Variants in TARDBP observed in about 807,000 individuals in gnomAD.
TARDBP encodes the protein TAR DNA binding protein, also known as TAR DNA-binding protein 43.
In TARDBP, 4 loss-of-function variants were observed where a neutral mutation model predicts 38.3. The ratio of observed to expected loss-of-function variants is 0.10; its 90% CI spans 0.05 to 0.24. TARDBP has a LOEUF of 0.24. Among genes scored for constraint, TARDBP ranks in the 10% least tolerant of loss-of-function variants. The pLI, the probability that TARDBP is intolerant of heterozygous loss-of-function variation, is 1.00. For synonymous variants in TARDBP, 184 were observed against 183.8 expected, an observed-to-expected ratio of 1.00 and a Z score of -0.01; for missense variants, 202 against 521.9, an observed-to-expected ratio of 0.39 and a Z score of 5.97.
chr1:11,016,892 T>C lies in TARDBP; in HGVS notation c.287T>C (p.Val96Ala). 1.2e-6 allele frequency: 2 copies of C among 1,614,130 alleles called. No individual in the cohort carries two copies. The highest frequency in any genetic ancestry group is 1.7e-6 in the Non-Finnish European group (2 of 1,180,032). The change falls in exon 3 of 6, where the codon GTG becomes GCG. Residue 96 changes from valine to alanine, a missense_variant. Coordinates refer to ENST00000240185, the MANE Select transcript of TARDBP (RefSeq NM_007375.4). ...DETDASSAVKVKRAVQKTSDL... is the reference protein window; with the variant it reads ...DETDASSAVKAKRAVQKTSDL... The stretch of plus-strand genomic sequence containing the variant: ...ACAGATGCTTCATCAGCAGTGAAAG[T>C]GAAAAGAGCAGTCCAGAAAACATCC...
chr1:11,015,345 G>A (rs1012265069), intron 2 of TARDBP, among the ~76,000 whole-genome samples: 4 of 151,962 alleles, frequency 2.6e-5, no homozygotes, highest in Admixed American at 1.3e-4. Context: ...AATTAGCCAG[G>A]CGTGGTGGTT....
At chr1:11,027,007 A>G (rs768463195), downstream of TARDBP, 3 of 1,598,120 alleles carry the variant, frequency 1.9e-6, no homozygotes, top group Admixed American at 3.5e-5. Flanking sequence ...CCCACAAACC[A>G]CCTCTCTGTT....
chr1:11,017,031 GT>G, intron 3 of TARDBP, 24 bp downstream of exon 3: 1 of 1,612,992 alleles, frequency 6.2e-7, no homozygotes, highest in Non-Finnish European at 8.5e-7. Flanking sequence ...GCATCAAACA[GT>G]TTTTCTTTAC....
In TARDBP at chr1:11,023,311, A is replaced by C; in HGVS notation, c.*657A>C. The stretch of plus-strand genomic sequence containing the variant: ...ATTCAAGAATTCGTCATCACGCATC[A>C]CAGGCCGCGTCTTTGACGGTGGGTG... On this transcript the variant is annotated 3_prime_UTR_variant, in exon 6 of 6. Transcript: ENST00000240185. The C allele has an allele frequency of 6.6e-7, 1 of 1,519,748 alleles. No homozygotes were observed. The highest frequency in any genetic ancestry group is 2.5e-5 in the East Asian group (1 of 40,666). The allele number at this position is 1,519,748 out of a possible 1,614,324, so 94.1% of individuals were successfully genotyped here.
intron 4 of TARDBP, 46 bp from the exon 5 acceptor site, chr1:11,020,383 T>C: frequency 6.2e-7 from 1 of 1,611,002 alleles, no homozygotes; most frequent in Non-Finnish European, 8.5e-7. Flanking sequence ...TTTTTCATTG[T>C]TCATAACATA....
intron 5 of TARDBP, 38 bp downstream of exon 5, chr1:11,020,637 G>A (rs757163480): frequency 3.8e-6 from 6 of 1,588,636 alleles, no homozygotes; most frequent in Non-Finnish European, 5.1e-6. Context: ...GGCCGGGCGT[G>A]GTGGCTCATG....
chr1:11,017,122 A>G (rs1355613815), intron 3 of TARDBP, 115 bp downstream of exon 3: 3 of 1,199,234 alleles, frequency 2.5e-6, no homozygotes, highest in Admixed American at 1.8e-5. Flanking sequence ...TCTGGCGTCA[A>G]ACTCCTGGGC....
At chr1:11,029,399 C>CAA (rs202243830), downstream of TARDBP, among the ~76,000 whole-genome samples, 50 of 147,676 alleles carry the variant, frequency 3.4e-4, 1 homozygote, top group South Asian at 9.0e-3. Flanking sequence ...GATTCCGTCT[C>CAA]AAAAAATAAT....
At chr1:11,029,964 A>G (rs1001211713), downstream of TARDBP, 7 of 465,858 alleles carry the variant, frequency 1.5e-5, no homozygotes, top group Admixed American at 2.8e-4. Flanking sequence ...TATAAGGTCA[A>G]AGAGAATCAA....
intron 3 of TARDBP, among the ~76,000 whole-genome samples, chr1:11,017,432 C>G (rs1643550053): frequency 6.6e-6 from 1 of 152,130 alleles, no homozygotes; most frequent in African/African-American, 2.4e-5. Flanking sequence ...AACTCCTGAC[C>G]TCAAGTGATC....
At chr1:11,019,266 C>T (rs903077099) in intron 4 of TARDBP, 1 of 312,468 alleles carries the variant, frequency 3.2e-6, no homozygotes, top group African/African-American at 2.2e-5. Flanking sequence ...ACATCATCAT[C>T]TTTGCCAAGA....
intron 2 of TARDBP, among the ~76,000 whole-genome samples, chr1:11,014,404 C>T (rs971617056): frequency 6.6e-6 from 1 of 152,170 alleles, no homozygotes; most frequent in African/African-American, 2.4e-5. Context: ...AGTGCAGTTC[C>T]AATTACAATT....
downstream of TARDBP, chr1:11,030,244 T>C (rs370149868): frequency 5.6e-6 from 9 of 1,612,418 alleles, no homozygotes; most frequent in East Asian, 4.5e-5. Flanking sequence ...CTCACACACA[T>C]ATTTACCTGC....
At chr1:11,027,563 C>T (rs1643760205), downstream of TARDBP, 4 of 1,614,058 alleles carry the variant, frequency 2.5e-6, no homozygotes, top group Non-Finnish European at 3.4e-6. Flanking sequence ...CACCTAATAT[C>T]AGGACTTGCC....
intron 3 of TARDBP, among the ~76,000 whole-genome samples, chr1:11,018,152 G>C (rs1455792672): frequency 6.6e-6 from 1 of 152,130 alleles, no homozygotes; most frequent in African/African-American, 2.4e-5. Context: ...AAAGTGCTGG[G>C]ATTACAGGCG....
chr1:11,018,467 G>T, intron 3 of TARDBP: 1 of 464,014 alleles, frequency 2.2e-6, no homozygotes, highest in Non-Finnish European at 3.9e-6. Flanking sequence ...GGGAATACAG[G>T]TGTGAGCCAC....
Position 11,022,932 on chromosome 1 carries a change from A to G in TARDBP, c.*278A>G. The G allele has an allele frequency of 7.3e-7, 1 of 1,362,822 alleles. No individual in the cohort carries two copies. Among genetic ancestry groups the G allele is most frequent in the Non-Finnish European group, 9.4e-7 (1 of 1,058,710 alleles). 84.4% of individuals were successfully genotyped at this position (1,362,822 alleles called of 1,614,324 possible). A position where few individuals can be genotyped will look rare whatever the true frequency, so the allele number is the denominator to read the frequency against. On this transcript the variant is annotated 3_prime_UTR_variant, in exon 6 of 6. Transcript: ENST00000240185. This position sits in a 1 kb window ranked among gnomAD's most constrained non-coding sequence, Gnocchi z 4.5. ...AAACCAACACACTACAATTGATATC[A>G]AAAGGTTTCTCCTGTAATATTTTAT...
At chr1:11,013,266 A>C (rs61775597) in intron 1 of TARDBP, among the ~76,000 whole-genome samples, 16,121 of 152,296 alleles carry the variant, frequency 0.11, 1,149 homozygotes, top group Middle Eastern at 0.17. Context: ...TTCAGTCTTC[A>C]GGTTCAGCTG....
downstream of TARDBP, among the ~76,000 whole-genome samples, chr1:11,028,697 G>GTTTTTTT (rs1208974169): frequency 1.4e-3 from 51 of 36,146 alleles, 2 homozygotes; most frequent in African/African-American, 6.0e-3. Context: ...ATCTTTCTGG[G>GTTTTTTT]TTTTTTTTCT....
Sources: gnomAD v4.1 joint callset for allele counts (sites outside exome capture counted in the v4.1 genomes callset) on GRCh38, gnomAD v4.1.1 for gene constraint, Gnocchi (gnomAD v3.1) non-coding constraint, MANE v1.5 for transcripts, NCBI Gene and HGNC (gene_info 2026-07-23, HGNC 2026-07-21) for gene names.